CNTN5: variants seen among roughly 807,000 people sequenced by gnomAD.
CNTN5 encodes the protein contactin-5.
A neutral mutation model predicts 129.1 loss-of-function variants in CNTN5; 77 were observed. That is an observed-to-expected ratio of 0.60 (90% confidence interval 0.50 to 0.72). CNTN5 has a LOEUF of 0.72. CNTN5 is among the 30% of genes least tolerant of loss of function. CNTN5 has a pLI of 0.00. For synonymous variants in CNTN5, 509 were observed against 465.6 expected (o/e 1.09, Z -1.20); for missense variants, 1,478 against 1,328.8 (o/e 1.11, Z -1.75).
At chr11:100,175,836 G>A (rs561286353) in intron 13 of CNTN5, among the ~76,000 whole-genome samples, 56 of 152,164 alleles carry the variant, frequency 3.7e-4, no homozygotes, top group African/African-American at 8.4e-4. Flanking sequence ...GAGGTGATCC[G>A]TAAATGTTTA....
At chr11:99,389,474 T>A (rs993047792) in intron 2 of CNTN5, among the ~76,000 whole-genome samples, 1 of 152,312 alleles carries the variant, frequency 6.6e-6, no homozygotes, top group Admixed American at 6.5e-5. Context: ...CTGTTCTAGA[T>A]TTTTGAGTCT....
At chr11:99,358,734 A>C (rs1187572652) in intron 2 of CNTN5, among the ~76,000 whole-genome samples, 5 of 152,154 alleles carry the variant, frequency 3.3e-5, no homozygotes, top group Admixed American at 1.3e-4. Context: ...ATTTTTACCA[A>C]GTGCTAGATT....
intron 2 of CNTN5, among the ~76,000 whole-genome samples, chr11:99,541,105 CA>C (rs1443682965): frequency 6.6e-6 from 1 of 152,142 alleles, no homozygotes; most frequent in Non-Finnish European, 1.5e-5. Context: ...AGAATCGTAA[CA>C]ACTCCACACT....
At chr11:100,040,743 G>A (rs1387212218) in intron 9 of CNTN5, among the ~76,000 whole-genome samples, 1 of 152,198 alleles carries the variant, frequency 6.6e-6, no homozygotes, top group Non-Finnish European at 1.5e-5. Flanking sequence ...CTAGCAATGA[G>A]CGAGACTCTG....
chr11:100,147,808 T>C (rs1946905517), intron 13 of CNTN5, among the ~76,000 whole-genome samples: 1 of 152,050 alleles, frequency 6.6e-6, no homozygotes, highest in Admixed American at 6.6e-5. Context: ...TAATTTTACC[T>C]TATGGTGGGA....
intron 2 of CNTN5, among the ~76,000 whole-genome samples, chr11:99,414,905 A>G (rs1942577020): frequency 6.6e-6 from 1 of 152,304 alleles, no homozygotes. Context: ...CATTTTGAGG[A>G]TAGAATTTTC....
At chr11:99,324,147 A>G (rs969052058) in intron 1 of CNTN5, among the ~76,000 whole-genome samples, 7 of 152,218 alleles carry the variant, frequency 4.6e-5, no homozygotes, top group Non-Finnish European at 8.8e-5. Context: ...TAATATAAAT[A>G]GAAGTCATAA....
chr11:99,118,204 A>G (rs1418440290), intron 1 of CNTN5, among the ~76,000 whole-genome samples: 1 of 152,164 alleles, frequency 6.6e-6, no homozygotes, highest in Non-Finnish European at 1.5e-5. Context: ...GCCCAAGTCA[A>G]TATGTGAGAG....
intron 13 of CNTN5, among the ~76,000 whole-genome samples, chr11:100,105,409 TC>T (rs1192674789): frequency 6.6e-6 from 1 of 152,164 alleles, no homozygotes; most frequent in African/African-American, 2.4e-5. Flanking sequence ...CTGTGAGACT[TC>T]CGGTACATCA....
intron 7 of CNTN5, among the ~76,000 whole-genome samples, chr11:99,941,309 T>C (rs1414870557): frequency 6.6e-6 from 1 of 152,142 alleles, no homozygotes; most frequent in Non-Finnish European, 1.5e-5. Flanking sequence ...TTATTTATCA[T>C]CTTATAAAGA....
At chr11:99,760,886 C>A (rs1011314190) in intron 3 of CNTN5, among the ~76,000 whole-genome samples, 1 of 152,050 alleles carries the variant, frequency 6.6e-6, no homozygotes, top group South Asian at 2.1e-4. Flanking sequence ...TGGCAACAGA[C>A]ACCTGAGAAC....
intron 1 of CNTN5, among the ~76,000 whole-genome samples, chr11:99,196,286 AT>A (rs1250025361): frequency 1.3e-5 from 2 of 151,884 alleles, no homozygotes; most frequent in Non-Finnish European, 2.9e-5. Flanking sequence ...TTTACAATTT[AT>A]TTTTTGTCAT....
chr11:100,319,231 C>CA (rs1164288409), intron 21 of CNTN5, among the ~76,000 whole-genome samples: 1 of 151,294 alleles, frequency 6.6e-6, no homozygotes. Context: ...CAGCTCACTG[C>CA]AACCTCCGCC....
chr11:99,528,547 A>C (rs12806508), intron 2 of CNTN5, among the ~76,000 whole-genome samples: 5 of 152,194 alleles, frequency 3.3e-5, no homozygotes, highest in African/African-American at 1.2e-4. Flanking sequence ...CAGTCACCAA[A>C]AGAGCTGAGA....
At chr11:100,115,697 TTATAA>T (rs1387308896) in intron 13 of CNTN5, among the ~76,000 whole-genome samples, 20 of 152,198 alleles carry the variant, frequency 1.3e-4, no homozygotes, top group Admixed American at 1.1e-3. Context: ...TATTTTTTAA[TTATAA>T]TATAATTTTT....
At chr11:99,670,775 G>C (rs563108655) in intron 3 of CNTN5, among the ~76,000 whole-genome samples, 2 of 152,136 alleles carry the variant, frequency 1.3e-5, no homozygotes, top group South Asian at 4.1e-4. Context: ...CCATAGGTTT[G>C]CATCTTATCC....
chr11:99,958,649 T>C (rs7932209), intron 8 of CNTN5, among the ~76,000 whole-genome samples: 18,581 of 152,188 alleles, frequency 0.12, 1,828 homozygotes, highest in East Asian at 0.26. Context: ...AGAGTGTCTA[T>C]AGATGGAAAA....
chr11:99,423,219 AC>A (rs1285104236), intron 2 of CNTN5, among the ~76,000 whole-genome samples: 7 of 152,276 alleles, frequency 4.6e-5, no homozygotes, highest in African/African-American at 1.7e-4. Context: ...GATTGGAGTG[AC>A]TATCTGTGTT....
At chr11:99,999,167 A>C (rs561098401) in intron 8 of CNTN5, among the ~76,000 whole-genome samples, 1,717 of 152,214 alleles carry the variant, frequency 0.011, 36 homozygotes, top group African/African-American at 0.037. Flanking sequence ...GGATCTAATT[A>C]AACTAAAGAG....
Sources: allele counts gnomAD v4.1 joint callset (sites outside exome capture counted in the v4.1 genomes callset), GRCh38; gene constraint gnomAD v4.1.1; transcripts MANE v1.5; gene names NCBI Gene and HGNC (gene_info 2026-07-23, HGNC 2026-07-21).